Variants in OTOGL observed in about 807,000 individuals in gnomAD.
OTOGL encodes otogelin-like protein.
A neutral mutation model predicts 318.5 loss-of-function variants in OTOGL; 285 were observed. That is an observed-to-expected ratio of 0.89 (90% CI 0.81 to 0.99). The LOEUF is 0.99. Ranked by LOEUF, OTOGL falls within the 50% of genes least tolerant of loss-of-function variation. The pLI, the probability that OTOGL is intolerant of heterozygous loss-of-function variation, is 0.00. For missense variants in OTOGL, 2,899 were observed against 2,845.6 expected (o/e 1.02, Z -0.43); for synonymous variants, 987 against 936.5 (o/e 1.05, Z -0.99).
Position 80,328,664 on chromosome 12 carries a change from G to A in OTOGL, c.4200-1G>A. ...TGATTTACTCTTTTTTCCATGTAAAGGGTTGAAGGATGCTTGCCCTACTGC... is the reference window on the plus strand; with the variant it reads ...TGATTTACTCTTTTTTCCATGTAAAAGGTTGAAGGATGCTTGCCCTACTGC... On this transcript the variant is annotated splice_acceptor_variant, in intron 35 of 58. Transcript: ENST00000547103. LOFTEE classifies it high-confidence loss of function. 3 of 1,589,168 alleles carry A rather than the reference G, an allele frequency of 1.9e-6. No homozygotes were observed. Among genetic ancestry groups the A allele is most frequent in the South Asian group, 2.2e-5 (2 of 89,958 alleles).
intron 1 of OTOGL, among the ~76,000 whole-genome samples, chr12:80,146,916 A>G (rs1158927837): frequency 2.0e-5 from 3 of 151,314 alleles, no homozygotes; most frequent in African/African-American, 4.9e-5. Flanking sequence ...CCCTTTTATC[A>G]TTTTTTATTG....
At chr12:80,127,677 C>T (rs865802360) in intron 1 of OTOGL, among the ~76,000 whole-genome samples, 1 of 152,204 alleles carries the variant, frequency 6.6e-6, no homozygotes, top group African/African-American at 2.4e-5. Flanking sequence ...TCAGGTACAC[C>T]AATCAGATGT....
chr12:80,308,835 C>T (rs542307797), intron 29 of OTOGL, among the ~76,000 whole-genome samples: 3 of 152,188 alleles, frequency 2.0e-5, no homozygotes, highest in East Asian at 1.9e-4. Context: ...GGTGTGGCGG[C>T]GCGCGCCTGC....
rs922383500 is a variant in OTOGL at position 80,271,901 on chromosome 12, T to C, written c.2681+91T>C. ...CATTCTTTATAGAAATAGCCAGAATTGTTGTTCTGACTAGTGGTTAACTGG... is the reference window on the plus strand; with the variant it reads ...CATTCTTTATAGAAATAGCCAGAATCGTTGTTCTGACTAGTGGTTAACTGG... On this transcript the variant is annotated intron_variant, in intron 24 of 58. Coordinates refer to ENST00000547103, the MANE Select transcript of OTOGL (RefSeq NM_001378609.3). The C allele has an allele frequency of 2.8e-6, 4 of 1,419,472 alleles. No individual in the cohort carries two copies. In the African/African-American group the frequency reaches 5.7e-5, roughly 20 times the overall value. 87.9% of individuals were successfully genotyped at this position (1,419,472 alleles called of 1,614,324 possible). A position where few individuals can be genotyped will look rare whatever the true frequency, so the allele number is the denominator to read the frequency against.
At chr12:80,242,075 T>A (rs1357477679) in intron 11 of OTOGL, among the ~76,000 whole-genome samples, 1 of 152,194 alleles carries the variant, frequency 6.6e-6, no homozygotes, top group Non-Finnish European at 1.5e-5. Flanking sequence ...ATGTTGTCTT[T>A]GGCTGGCAGC....
intron 29 of OTOGL, among the ~76,000 whole-genome samples, chr12:80,308,193 A>G (rs61950654): frequency 0.96 from 141,458 of 146,826 alleles, 68,216 homozygotes; most frequent in Middle Eastern, 1. Flanking sequence ...GGGCGGAGAC[A>G]CTCCTCACTT....
chr12:80,334,737 G>A (rs1242074196), intron 38 of OTOGL, among the ~76,000 whole-genome samples: 1 of 152,154 alleles, frequency 6.6e-6, no homozygotes, highest in Non-Finnish European at 1.5e-5. Flanking sequence ...TGAGGTCTGA[G>A]AATTGATCAC....
At chr12:80,202,567 C>T (rs989102042) in intron 1 of OTOGL, among the ~76,000 whole-genome samples, 4 of 152,160 alleles carry the variant, frequency 2.6e-5, no homozygotes, top group Admixed American at 2.6e-4. Context: ...GCCACCGCGC[C>T]CAGCCTGTCT....
chr12:80,347,056 C>A (rs558902659), intron 44 of OTOGL, among the ~76,000 whole-genome samples: 71 of 152,270 alleles, frequency 4.7e-4, no homozygotes, highest in African/African-American at 1.6e-3. Flanking sequence ...TCATCTCTTG[C>A]CTGGTCCAAT....
chr12:80,209,348 C>T, intron 1 of OTOGL, 65 bp from the exon 2 acceptor site: 4 of 849,450 alleles, frequency 4.7e-6, no homozygotes, highest in South Asian at 5.8e-5. Context: ...ATTTGAGTAC[C>T]CTACAAATAT....
At chr12:80,203,023 A>G (rs538012357) in intron 1 of OTOGL, among the ~76,000 whole-genome samples, 16 of 152,344 alleles carry the variant, frequency 1.1e-4, no homozygotes, top group Admixed American at 5.2e-4. Flanking sequence ...TGAGAATTAG[A>G]TAAGTGTTAG....
chr12:80,184,046 T>G (rs1875116491), intron 1 of OTOGL, among the ~76,000 whole-genome samples: 2 of 152,208 alleles, frequency 1.3e-5, no homozygotes, highest in South Asian at 4.1e-4. Context: ...ATAGTTATGG[T>G]ACTTGAGACT....
At chr12:80,358,561 T>C (rs1890049130) in intron 50 of OTOGL, 110 bp from the exon 51 acceptor site, 1 of 944,486 alleles carries the variant, frequency 1.1e-6, no homozygotes. Flanking sequence ...AGGTAGCACT[T>C]GGGAAATATG....
chr12:80,229,211 T>C (rs201390682), intron 7 of OTOGL, 46 bp from the exon 8 acceptor site: 303 of 1,565,586 alleles, frequency 1.9e-4, no homozygotes, highest in Non-Finnish European at 2.4e-4. Flanking sequence ...ATAACTCAGA[T>C]TTATTGTTTG....
At chr12:80,361,718 T>C (rs1275355749) in intron 52 of OTOGL, among the ~76,000 whole-genome samples, 1 of 152,200 alleles carries the variant, frequency 6.6e-6, no homozygotes, top group African/African-American at 2.4e-5. Context: ...AATTTGCATT[T>C]CCCTGATTAC....
chr12:80,305,727 C>T (rs1376823595), intron 29 of OTOGL, 32 bp downstream of exon 29: 1 of 1,423,172 alleles, frequency 7.0e-7, no homozygotes, highest in East Asian at 2.5e-5. Context: ...TAGAAGTCAA[C>T]AAAAATTTTT....
Position 80,238,880 on chromosome 12 carries a change from G to T in OTOGL, c.847G>T (p.Ala283Ser). 6.4e-7 allele frequency: 1 copy of T among 1,568,544 alleles called. No homozygotes were observed. The highest frequency in any genetic ancestry group is 2.3e-5 in the East Asian group (1 of 43,650). The change falls in exon 10 of 59, where the codon GCA (alanine) becomes TCA (serine). Residue 283 changes from alanine to serine, a missense_variant. Around this residue, in one of 3 missense-constraint regions of OTOGL, gnomAD observed 2,607 missense variants for 2,524.9 expected, o/e 1.03. Transcript: ENST00000547103. Reference protein sequence around the residue: ...EDYTEDIAMFANSWSVQTPDD... With the variant: ...EDYTEDIAMFSNSWSVQTPDD... Reference sequence around the variant, plus strand: ...CTATACAGAAGACATCGCTATGTTTGCAAATAGTTGGTCGGTGCAAACTCC... The same window carrying T: ...CTATACAGAAGACATCGCTATGTTTTCAAATAGTTGGTCGGTGCAAACTCC...
intron 1 of OTOGL, among the ~76,000 whole-genome samples, chr12:80,202,217 CG>C (rs1555276127): frequency 1.3e-5 from 2 of 151,798 alleles, no homozygotes; most frequent in Non-Finnish European, 2.9e-5. Context: ...TGTTCCCGTT[CG>C]GGTTTTCACT....
At chr12:80,308,404 C>G (rs1177407145) in intron 29 of OTOGL, among the ~76,000 whole-genome samples, 1 of 149,868 alleles carries the variant, frequency 6.7e-6, no homozygotes, top group Non-Finnish European at 1.5e-5. Flanking sequence ...ACATCTCAGA[C>G]GATGGGCGGC....
Sources: allele counts gnomAD v4.1 joint callset (sites outside exome capture counted in the v4.1 genomes callset), GRCh38; gene constraint gnomAD v4.1.1; regional missense constraint gnomAD v4.1.1; transcripts MANE v1.5; gene names NCBI Gene and HGNC (gene_info 2026-07-23, HGNC 2026-07-21).